CAPS2: variants seen among roughly 807,000 people sequenced by gnomAD.
CAPS2 encodes calcyphosine 2, also known as calcyphosin-2.
In CAPS2, 98 loss-of-function variants were observed where a neutral mutation model predicts 86.5. That is an observed-to-expected ratio of 1.13 (90% CI 0.96 to 1.34). The LOEUF (loss-of-function observed/expected upper bound fraction) is 1.34. CAPS2 is among the 40% of genes most tolerant of loss of function. The pLI is 0.00. For missense variants in CAPS2, 729 were observed against 686.8 expected, an observed-to-expected ratio of 1.06 and a Z score of -0.69; for synonymous variants, 210 against 225.1, an observed-to-expected ratio of 0.93 and a Z score of 0.60.
At chr12:75,365,258 G>A (rs373658671) in intron 1 of CAPS2, 26 of 152,204 alleles carry the variant, frequency 1.7e-4, no homozygotes, top group African/African-American at 6.0e-4. Flanking sequence ...CATGATTCTG[G>A]TTTTCCTGGA....
At chr12:75,305,774 A>G (rs2038398726) in intron 7 of CAPS2, 7 of 719,742 alleles carry the variant, frequency 9.7e-6, no homozygotes, top group Admixed American at 1.8e-5. Flanking sequence ...GTTTCCAGAC[A>G]TGGTGAAGGA....
intron 1 of CAPS2, among the ~76,000 whole-genome samples, chr12:75,389,034 C>A (rs2045438053): frequency 6.6e-6 from 1 of 152,044 alleles, no homozygotes; most frequent in African/African-American, 2.4e-5. Flanking sequence ...TCTACCACTC[C>A]CTGGCTGGGT....
chr12:75,388,167 G>A lies in CAPS2; in HGVS notation c.-395+2671C>T, dbSNP rs546845066. On this transcript the variant is annotated intron_variant, in intron 1 of 5. Coordinates refer to the CAPS2 transcript ENST00000551829. ...TGATTATGTCTCATGAGATCTGATG[G>A]TTTTATAAAGAGTAGTTCCCCTGCA... Among the ~76,000 whole-genome samples the A allele has an allele frequency of 1.5e-3, 224 of 152,226 alleles. 3 individuals carry two copies. The highest frequency in any genetic ancestry group is 5.8e-4 in the East Asian group (3 of 5,166).
intron 7 of CAPS2, among the ~76,000 whole-genome samples, chr12:75,310,845 GTTC>G (rs2039078186): frequency 1.3e-5 from 2 of 152,202 alleles, no homozygotes; most frequent in East Asian, 1.9e-4. Context: ...GCCAAGCAGT[GTTC>G]TTCTCTCAAA....
intron 1 of CAPS2, among the ~76,000 whole-genome samples, chr12:75,382,195 A>T (rs144841732): frequency 1.3e-5 from 2 of 152,370 alleles, no homozygotes; most frequent in East Asian, 3.9e-4. Context: ...TTCTAATAAC[A>T]TCTATACAGA....
chr12:75,280,646 A>G (rs1241447053), intron 16 of CAPS2, among the ~76,000 whole-genome samples: 3 of 151,914 alleles, frequency 2.0e-5, no homozygotes, highest in Non-Finnish European at 4.4e-5. Flanking sequence ...ACGTGTTTAA[A>G]GGAAAAAAAT....
intron 1 of CAPS2, among the ~76,000 whole-genome samples, chr12:75,346,774 A>G (rs2042478402): frequency 6.6e-6 from 1 of 152,162 alleles, no homozygotes; most frequent in Non-Finnish European, 1.5e-5. Flanking sequence ...GCTATAGAAA[A>G]CAATTGATAC....
exon 17 of CAPS2, chr12:75,277,711 T>A (rs753161773): frequency 1.2e-6 from 1 of 860,584 alleles, no homozygotes; most frequent in Non-Finnish European, 1.4e-6. Context: ...CAGTGATATG[T>A]CTAAAGTCAT....
rs950451905 is a variant in CAPS2 at position 75,278,522 on chromosome 12, G to A, written c.*368C>T. The A allele has an allele frequency of 1.1e-5, 11 of 991,460 alleles. No homozygotes were observed. In the East Asian group the frequency reaches 8.7e-4, roughly 79 times the overall value. 61.4% of individuals were successfully genotyped at this position (991,460 alleles called of 1,614,324 possible). On this transcript the variant is annotated 3_prime_UTR_variant, in exon 17 of 17. Coordinates refer to ENST00000393284, the Ensembl canonical transcript of CAPS2. ...AACAATGTGAAAGGACAGGAAACTT[G>A]GTTAATAAATAGATGTTGCCATATT... is the stretch of plus-strand genomic sequence containing the variant.
chr12:75,286,534 A>G (rs1057258960), intron 14 of CAPS2, among the ~76,000 whole-genome samples: 2 of 151,782 alleles, frequency 1.3e-5, no homozygotes, highest in Non-Finnish European at 2.9e-5. Flanking sequence ...ATATAAATAT[A>G]TATACTCTTT....
chr12:75,329,728 T>C, upstream of CAPS2: 1 of 930,292 alleles, frequency 1.1e-6, no homozygotes, highest in Non-Finnish European at 1.5e-6. Context: ...CCCAGATATC[T>C]GAATTGAAAC....
At chr12:75,300,555 C>CAAAAAAAAAAAAAAAAAAAAAAAAA (rs60853698) in intron 8 of CAPS2, among the ~76,000 whole-genome samples, 1 of 83,020 alleles carries the variant, frequency 1.2e-5, no homozygotes, top group Non-Finnish European at 2.4e-5. Context: ...GACTCCGTCT[C>CAAAAAAAAAAAAAAAAAAAAAAAAA]AAAAAAAAAA....
upstream of CAPS2, among the ~76,000 whole-genome samples, chr12:75,332,588 A>G (rs1165828792): frequency 1.3e-5 from 2 of 152,188 alleles, no homozygotes; most frequent in Non-Finnish European, 2.9e-5. Context: ...ATGTATATAT[A>G]CATATATATA....
chr12:75,352,208 A>G (rs953298500), intron 1 of CAPS2, among the ~76,000 whole-genome samples: 2 of 152,248 alleles, frequency 1.3e-5, no homozygotes, highest in African/African-American at 4.8e-5. Flanking sequence ...AAGGCACAGA[A>G]TGGTAAGCTG....
intron 1 of CAPS2, among the ~76,000 whole-genome samples, chr12:75,388,322 G>A (rs924841383): frequency 6.6e-6 from 1 of 152,130 alleles, no homozygotes; most frequent in African/African-American, 2.4e-5. Context: ...AAATTACCCA[G>A]TCTTGGGTCT....
At chr12:75,289,622 T>C in exon 14 of CAPS2, 2 of 1,608,390 alleles carry the variant, frequency 1.2e-6, no homozygotes, top group Non-Finnish European at 1.7e-6. Flanking sequence ...AGCACATACC[T>C]TTTCAGACAC....
chr12:75,296,262 A>G (rs2036854423), intron 11 of CAPS2, among the ~76,000 whole-genome samples: 1 of 151,988 alleles, frequency 6.6e-6, no homozygotes, highest in East Asian at 1.9e-4. Context: ...CAGTGCATAT[A>G]TGCGTGCATA....
chr12:75,306,828 G>A (rs961700073), intron 7 of CAPS2, among the ~76,000 whole-genome samples: 2 of 152,024 alleles, frequency 1.3e-5, no homozygotes, highest in South Asian at 2.1e-4. Context: ...TGATTTGAAC[G>A]GAACTGGCCT....
chr12:75,379,540 T>G (rs558983538), intron 1 of CAPS2, among the ~76,000 whole-genome samples: 71 of 152,308 alleles, frequency 4.7e-4, no homozygotes, highest in African/African-American at 1.6e-3. Flanking sequence ...ACCCTCCTAT[T>G]TCACTTAGTT....
Sources: allele counts gnomAD v4.1 joint callset (sites outside exome capture counted in the v4.1 genomes callset), GRCh38; gene constraint gnomAD v4.1.1; transcripts MANE v1.5; gene names NCBI Gene and HGNC (gene_info 2026-07-23, HGNC 2026-07-21).